ROBO1: variants seen among roughly 807,000 people sequenced by gnomAD.
ROBO1 encodes roundabout homolog 1.
Under a neutral mutation model 195.9 loss-of-function variants are expected in ROBO1, and 149 were observed. The observed-to-expected ratio is 0.76, with a 90% confidence interval of 0.67 to 0.87. The LOEUF is 0.87. Ranked by LOEUF, ROBO1 falls within the 40% of genes least tolerant of loss-of-function variation. The pLI, the probability that ROBO1 is intolerant of heterozygous loss-of-function variation, is 0.00. For synonymous variants in ROBO1, 816 were observed against 733.2 expected (o/e 1.11, Z -1.82); for missense variants, 1,933 against 2,068.3 (o/e 0.93, Z 1.27).
chr3:78,767,977 T>C (rs1559834173), intron 4 of ROBO1, among the ~76,000 whole-genome samples: 1 of 152,134 alleles, frequency 6.6e-6, no homozygotes, highest in Non-Finnish European at 1.5e-5. Flanking sequence ...TGGGTTTGGT[T>C]TGTTCTTGTT....
At chr3:78,658,975 G>A (rs1214628061) in intron 17 of ROBO1, among the ~76,000 whole-genome samples, 3 of 152,154 alleles carry the variant, frequency 2.0e-5, no homozygotes. Context: ...ATTTCTTCAG[G>A]AGAGAAATGA....
intron 1 of ROBO1, among the ~76,000 whole-genome samples, chr3:79,692,779 TA>T (rs1947332952): frequency 6.6e-6 from 1 of 151,846 alleles, no homozygotes; most frequent in African/African-American, 2.4e-5. Context: ...TAGTACAGGC[TA>T]ACTATTCCTT....
In ROBO1 at chr3:79,623,678, C is replaced by A. The variant is rs548666338; in HGVS notation, c.-50-33717G>T. Among the ~76,000 whole-genome samples the A allele has an allele frequency of 4.1e-3, 620 of 152,084 alleles. 6 individuals carry two copies. Among genetic ancestry groups the A allele is most frequent in the African/African-American group, 0.014 (594 of 41,466 alleles). ...AATGAAAAGAAATGAACAAAGACTA[C>A]AAGAAATATGGGACTTCAATAAACG... is the stretch of plus-strand genomic sequence containing the variant. On this transcript the variant is annotated intron_variant, in intron 1 of 30. Transcript: ENST00000464233.
chr3:79,598,685 C>T (rs1944252801), intron 1 of ROBO1, among the ~76,000 whole-genome samples: 1 of 151,928 alleles, frequency 6.6e-6, no homozygotes, highest in Non-Finnish European at 1.5e-5. Flanking sequence ...AAGACATAAA[C>T]TCTTGGGAGC....
intron 18 of ROBO1, among the ~76,000 whole-genome samples, chr3:78,654,322 T>C (rs1245151305): frequency 1.3e-5 from 2 of 152,196 alleles, no homozygotes; most frequent in African/African-American, 4.8e-5. Context: ...CCAGATCTCA[T>C]TCTATAGAGG....
chr3:79,556,167 T>C (rs755732566), intron 2 of ROBO1, among the ~76,000 whole-genome samples: 3 of 152,098 alleles, frequency 2.0e-5, no homozygotes, highest in Non-Finnish European at 2.9e-5. Context: ...AAATCTTTAG[T>C]TCTTAGAGAA....
At chr3:78,829,809 T>C (rs2031983911) in intron 4 of ROBO1, among the ~76,000 whole-genome samples, 1 of 152,176 alleles carries the variant, frequency 6.6e-6, no homozygotes, top group Non-Finnish European at 1.5e-5. Context: ...CTTGTTTCTA[T>C]GGGTAAATAA....
intron 4 of ROBO1, among the ~76,000 whole-genome samples, chr3:78,808,147 C>T (rs1320262265): frequency 6.6e-6 from 1 of 152,122 alleles, no homozygotes; most frequent in Non-Finnish European, 1.5e-5. Flanking sequence ...AACTCCTTTT[C>T]CTAACCAACA....
chr3:79,141,338 C>T (rs954407068), intron 2 of ROBO1, among the ~76,000 whole-genome samples: 9 of 152,156 alleles, frequency 5.9e-5, no homozygotes, highest in African/African-American at 1.9e-4. Context: ...TTTCCTCTAT[C>T]GTCTCCTCAT....
chr3:79,423,488 G>A (rs1193249055), intron 2 of ROBO1, among the ~76,000 whole-genome samples: 2 of 152,034 alleles, frequency 1.3e-5, no homozygotes, highest in African/African-American at 2.4e-5. Flanking sequence ...CCTGCATTCC[G>A]ATCCTGATAA....
intron 4 of ROBO1, among the ~76,000 whole-genome samples, chr3:78,851,764 ATATT>A (rs1228707583): frequency 3.3e-5 from 5 of 152,216 alleles, no homozygotes; most frequent in African/African-American, 7.2e-5. Context: ...AGTTAATAGA[ATATT>A]TAAGAATAAA....
chr3:79,511,232 G>T (rs1183563410), intron 2 of ROBO1, among the ~76,000 whole-genome samples: 1 of 152,108 alleles, frequency 6.6e-6, no homozygotes, highest in East Asian at 1.9e-4. Context: ...GGCCTAGTGT[G>T]CTGCTCACTT....
chr3:79,374,516 T>C (rs1442452012), intron 2 of ROBO1, among the ~76,000 whole-genome samples: 3 of 152,150 alleles, frequency 2.0e-5, no homozygotes, highest in Non-Finnish European at 4.4e-5. Flanking sequence ...GTTTTTTTAT[T>C]TCATTTATTT....
chr3:78,707,948 T>C (rs114761631), intron 8 of ROBO1, among the ~76,000 whole-genome samples: 328 of 152,300 alleles, frequency 2.2e-3, no homozygotes, highest in African/African-American at 7.6e-3. Context: ...AGGTGATGGC[T>C]TGGGAAATGG....
chr3:79,709,103 C>T (rs1160630903), intron 1 of ROBO1, among the ~76,000 whole-genome samples: 1 of 151,956 alleles, frequency 6.6e-6, no homozygotes, highest in African/African-American at 2.4e-5. Context: ...AAGTACATAA[C>T]CCACAAAATA....
At chr3:79,270,903 T>C (rs898493032) in intron 2 of ROBO1, among the ~76,000 whole-genome samples, 19 of 152,088 alleles carry the variant, frequency 1.2e-4, no homozygotes, top group Admixed American at 5.9e-4. Flanking sequence ...TAAATATTCA[T>C]CCTTTAATTT....
intron 4 of ROBO1, among the ~76,000 whole-genome samples, chr3:78,822,364 T>C (rs1559892479): frequency 6.6e-6 from 1 of 152,206 alleles, no homozygotes. Context: ...CCTGGTCCTG[T>C]TGCTTGTGCC....
rs184743925 is a variant in ROBO1 at position 79,689,887 on chromosome 3, T to C, written c.-51+77865A>G. ...TCAAAATAAAATTTCAAACCTAAAA[T>C]CTTATTAAGAATTGATTATAGGACA... On this transcript the variant is annotated intron_variant, in intron 1 of 30. Transcript: ENST00000464233. Among the ~76,000 whole-genome samples the C allele has an allele frequency of 1.7e-3, 260 of 152,094 alleles. 1 individual carries two copies. The highest frequency in any genetic ancestry group is 6.8e-3 in the Middle Eastern group (2 of 294).
At chr3:79,608,297 T>C (rs1489081063) in intron 1 of ROBO1, among the ~76,000 whole-genome samples, 1 of 151,964 alleles carries the variant, frequency 6.6e-6, no homozygotes, top group Non-Finnish European at 1.5e-5. Flanking sequence ...CTCAAGATCC[T>C]ACACTGCTCA....
Sources: allele counts gnomAD v4.1 joint callset (sites outside exome capture counted in the v4.1 genomes callset), GRCh38; gene constraint gnomAD v4.1.1; transcripts MANE v1.5; gene names NCBI Gene and HGNC (gene_info 2026-07-23, HGNC 2026-07-21).